The following ZNF365 variants were observed in gnomAD, a reference collection of about 807,000 sequenced individuals.
ZNF365 encodes the protein protein ZNF365.
Under a neutral mutation model 35.0 loss-of-function variants are expected in ZNF365, and 22 were observed. The observed-to-expected ratio is 0.63, with a 90% confidence interval of 0.45 to 0.90. The LOEUF (loss-of-function observed/expected upper bound fraction) is 0.90. ZNF365 is among the 40% of genes least tolerant of loss of function. ZNF365 has a pLI of 0.00. For synonymous variants in ZNF365, 188 were observed against 196.2 expected (o/e 0.96, Z 0.35); for missense variants, 448 against 500.3 (o/e 0.90, Z 1.00).
In ZNF365 at chr10:62,376,946, G is replaced by C; in HGVS notation, c.743+10G>C. On this transcript the variant is annotated intron_variant, in intron 2 of 4. Coordinates refer to ENST00000395254, the MANE Select transcript of ZNF365 (RefSeq NM_014951.3). ...TTCTTAGGAAAGAAGAGTAAGTGTTGCTGACAGGGGATGCTAACCCCATTG... is the reference window on the plus strand; with the variant it reads ...TTCTTAGGAAAGAAGAGTAAGTGTTCCTGACAGGGGATGCTAACCCCATTG... The C allele has an allele frequency of 6.3e-7, 1 of 1,590,432 alleles. No homozygotes were observed. Among genetic ancestry groups the C allele is most frequent in the Non-Finnish European group, 8.5e-7 (1 of 1,169,722 alleles).
chr10:62,446,796 C>G (rs1840596952), intron 3 of ZNF365, among the ~76,000 whole-genome samples: 1 of 152,158 alleles, frequency 6.6e-6, no homozygotes, highest in African/African-American at 2.4e-5. Context: ...TGAAACTGCT[C>G]TTTCCCTGCT....
Position 62,376,392 on chromosome 10 carries a change from T to A in ZNF365, c.199T>A (p.Ser67Thr), listed in dbSNP as rs1392710212. Residue 67 changes from serine (S) to threonine (T), a missense_variant, in exon 2 of 5, where the codon TCC (serine) becomes ACC (threonine). Coordinates refer to ENST00000395254, the MANE Select transcript of ZNF365 (RefSeq NM_014951.3). The part of the protein sequence containing the change: ...TLLTKCSLFP[S>T]LKDTDLVTSS... ...CTTGACAAAATGCAGTCTCTTTCCA[T>A]CCCTCAAAGACACAGACCTAGTCAC... The A allele has an allele frequency of 6.2e-6, 10 of 1,613,988 alleles. No individual in the cohort carries two copies. Among genetic ancestry groups the A allele is most frequent in the Non-Finnish European group, 8.5e-6 (10 of 1,180,012 alleles).
intron 3 of ZNF365, among the ~76,000 whole-genome samples, chr10:62,407,568 T>C (rs1393969887): frequency 6.7e-6 from 1 of 149,700 alleles, no homozygotes; most frequent in African/African-American, 2.5e-5. Flanking sequence ...GGGAGATGGA[T>C]TTGAGGGTCT....
chr10:62,451,603 G>A (rs1166815689), intron 3 of ZNF365, among the ~76,000 whole-genome samples: 1 of 152,318 alleles, frequency 6.6e-6, no homozygotes, highest in East Asian at 1.9e-4. Context: ...TACCTTAGTT[G>A]TGACTTCTTC....
At chr10:62,439,893 T>C (rs889915158) in intron 3 of ZNF365, among the ~76,000 whole-genome samples, 7 of 152,232 alleles carry the variant, frequency 4.6e-5, no homozygotes, top group African/African-American at 1.7e-4. Context: ...TCACTTTTAA[T>C]TTTGATACTT....
At chr10:62,479,900 A>T (rs1455240019) in exon 5 of ZNF365, 4 of 1,613,406 alleles carry the variant, frequency 2.5e-6, no homozygotes, top group Non-Finnish European at 3.4e-6. Context: ...GGAATAATGA[A>T]CTTCGAATGA....
At chr10:62,459,757 G>A in exon 4 of ZNF365, 1 of 1,610,954 alleles carries the variant, frequency 6.2e-7, no homozygotes, top group African/African-American at 1.3e-5. Context: ...AAAGGTGCTG[G>A]CGAAGCTCGC....
At position 62,399,555 on chromosome 10, in the gene ZNF365, T is replaced by C. The variant is rs544073593; in HGVS notation, c.990T>C (p.Cys330=). The C allele has an allele frequency of 7.1e-5, 114 of 1,613,988 alleles. No individual in the cohort carries two copies. Among genetic ancestry groups the C allele is most frequent in the Non-Finnish European group, 9.5e-5 (112 of 1,180,030 alleles). ...GCCGAGGGCACCCGCATTCGGTATG[T>C]AACCACCCTGATCTCAAGGCCCATT... ...CLSRGHPHSV[C]NHPDLKAHFH... The change falls in exon 5 of 5, where the codon TGT becomes TGC. Residue 330 remains cysteine, a synonymous_variant. Coordinates refer to ENST00000395254, the MANE Select transcript of ZNF365 (RefSeq NM_014951.3).
intron 2 of ZNF365, among the ~76,000 whole-genome samples, chr10:62,384,107 CTTT>C (rs79894933): frequency 1.6e-4 from 23 of 144,202 alleles, no homozygotes; most frequent in African/African-American, 1.5e-4. Flanking sequence ...AATATTTGGC[CTTT>C]TTTTTTTTTT....
At chr10:62,383,243 G>C (rs1839470924) in intron 2 of ZNF365, among the ~76,000 whole-genome samples, 1 of 152,160 alleles carries the variant, frequency 6.6e-6, no homozygotes, top group Non-Finnish European at 1.5e-5. Flanking sequence ...GAGCACACAA[G>C]GTCCCTGAAC....
At chr10:62,425,274 T>G (rs1025397407) in intron 3 of ZNF365, among the ~76,000 whole-genome samples, 13 of 152,158 alleles carry the variant, frequency 8.5e-5, no homozygotes, top group African/African-American at 2.7e-4. Flanking sequence ...TTGATAAATT[T>G]TATTACCTAA....
intron 3 of ZNF365, among the ~76,000 whole-genome samples, chr10:62,411,173 A>C (rs1839979559): frequency 1.3e-5 from 2 of 151,968 alleles, no homozygotes; most frequent in South Asian, 4.2e-4. Flanking sequence ...TGGACTCTGG[A>C]TGTTAGACCT....
chr10:62,383,114 G>A (rs1330536681), intron 2 of ZNF365, among the ~76,000 whole-genome samples: 1 of 152,190 alleles, frequency 6.6e-6, no homozygotes, highest in African/African-American at 2.4e-5. Flanking sequence ...CTCTGTGTTG[G>A]TTAATGATTT....
intron 4 of ZNF365, among the ~76,000 whole-genome samples, chr10:62,466,479 A>G (rs1476060577): frequency 6.6e-6 from 1 of 152,140 alleles, no homozygotes; most frequent in Non-Finnish European, 1.5e-5. Context: ...CTGGGCCAGT[A>G]GCACGGGCCG....
chr10:62,427,149 C>T (rs1048575379), intron 3 of ZNF365, among the ~76,000 whole-genome samples: 2 of 152,128 alleles, frequency 1.3e-5, no homozygotes, highest in African/African-American at 4.8e-5. Context: ...ATATTACTGG[C>T]TTATGCTTTT....
chr10:62,439,313 C>T (rs1255489912), intron 3 of ZNF365, among the ~76,000 whole-genome samples: 1 of 151,552 alleles, frequency 6.6e-6, no homozygotes, highest in African/African-American at 2.4e-5. Flanking sequence ...GTGTTTATTC[C>T]AGAAGCACTC....
chr10:62,402,625 A>G (rs1839847641), downstream of ZNF365, among the ~76,000 whole-genome samples: 1 of 152,150 alleles, frequency 6.6e-6, no homozygotes, highest in African/African-American at 2.4e-5. Flanking sequence ...TGTTCATCAT[A>G]ATTCCTATAT....
At chr10:62,433,428 AAC>A (rs1031872341) in intron 3 of ZNF365, among the ~76,000 whole-genome samples, 26 of 152,354 alleles carry the variant, frequency 1.7e-4, no homozygotes, top group Non-Finnish European at 2.1e-4. Flanking sequence ...CATTTAAAAA[AAC>A]AGAGAATATG....
At chr10:62,434,237 G>C (rs1303578073) in intron 3 of ZNF365, among the ~76,000 whole-genome samples, 1 of 152,084 alleles carries the variant, frequency 6.6e-6, no homozygotes, top group Non-Finnish European at 1.5e-5. Context: ...ATATGCTTCG[G>C]GTCTAAGATT....
Sources: gnomAD v4.1 joint callset for allele counts (sites outside exome capture counted in the v4.1 genomes callset) on GRCh38, gnomAD v4.1.1 for gene constraint, MANE v1.5 for transcripts, NCBI Gene and HGNC (gene_info 2026-07-23, HGNC 2026-07-21) for gene names.